Variants in SAMSN1 observed in about 807,000 individuals in gnomAD.
The protein encoded by SAMSN1 is SAM domain-containing protein SAMSN-1.
A neutral mutation model predicts 42.0 loss-of-function variants in SAMSN1; 31 were observed. The observed-to-expected ratio is 0.74, with a 90% CI of 0.55 to 1.00. SAMSN1 has a LOEUF of 1.00. Ranked by LOEUF, SAMSN1 falls within the 50% of genes least tolerant of loss-of-function variation. SAMSN1 has a pLI of 0.00. For missense variants in SAMSN1, 464 were observed against 439.4 expected, an observed-to-expected ratio of 1.06 and a Z score of -0.50; for synonymous variants, 178 against 151.9, an observed-to-expected ratio of 1.17 and a Z score of -1.26.
intron 2 of SAMSN1, among the ~76,000 whole-genome samples, chr21:14,579,518 C>T (rs745668743): frequency 6.6e-6 from 1 of 152,018 alleles, no homozygotes; most frequent in Non-Finnish European, 1.5e-5. Context: ...AAGAAATATG[C>T]TTTATCTGGA....
At chr21:14,538,623 A>G (rs933239359) in intron 1 of SAMSN1, among the ~76,000 whole-genome samples, 3 of 152,214 alleles carry the variant, frequency 2.0e-5, no homozygotes, top group African/African-American at 4.8e-5. Context: ...ACAAAAAAAC[A>G]GTGAAGAAAG....
At chr21:14,620,556 G>C (rs1159346982) in intron 2 of SAMSN1, among the ~76,000 whole-genome samples, 1 of 152,150 alleles carries the variant, frequency 6.6e-6, no homozygotes, top group Non-Finnish European at 1.5e-5. Context: ...AATACATTCA[G>C]TATGCCAATG....
chr21:14,624,415 A>G (rs1002579113), intron 2 of SAMSN1, among the ~76,000 whole-genome samples: 7 of 152,170 alleles, frequency 4.6e-5, no homozygotes, highest in Admixed American at 1.3e-4. Context: ...GAAGAATAAA[A>G]TAGACACAAT....
intron 3 of SAMSN1, chr21:14,612,993 C>T: frequency 1.6e-6 from 1 of 616,714 alleles, no homozygotes; most frequent in Non-Finnish European, 3.0e-6. Context: ...AGAATATGTG[C>T]AACACTTTGG....
intron 1 of SAMSN1, chr21:14,523,464 G>A (rs1483715542): frequency 1.3e-5 from 2 of 152,142 alleles, no homozygotes; most frequent in African/African-American, 2.4e-5. Context: ...CTCTTCTTAT[G>A]TAGTACTTAC....
At chr21:14,584,851 A>G (rs898690027), upstream of SAMSN1, among the ~76,000 whole-genome samples, 4 of 152,198 alleles carry the variant, frequency 2.6e-5, no homozygotes, top group African/African-American at 9.6e-5. Context: ...TAAGGAGACT[A>G]TAAGCCCAAA....
chr21:14,609,657 ACAGGATTTGC>A, intron 4 of SAMSN1: 3 of 701,366 alleles, frequency 4.3e-6, no homozygotes, highest in Non-Finnish European at 7.9e-6. Flanking sequence ...CAAGTTCAGC[ACAGGATTTGC>A]AACTTGGTAA....
chr21:14,569,896 G>T (rs1468811829), intron 2 of SAMSN1, among the ~76,000 whole-genome samples: 1 of 152,030 alleles, frequency 6.6e-6, no homozygotes, highest in African/African-American at 2.4e-5. Flanking sequence ...CTTGCAGATA[G>T]TAGGCCTAAC....
chr21:14,586,341 T>C (rs1324367040), upstream of SAMSN1, among the ~76,000 whole-genome samples: 1 of 151,528 alleles, frequency 6.6e-6, no homozygotes, highest in Non-Finnish European at 1.5e-5. Context: ...TTTATCTCAA[T>C]TCTCTTATCC....
Position 14,565,255 on chromosome 21 carries a change from C to T in SAMSN1, c.261+16881G>A, listed in dbSNP as rs111940147. Among the ~76,000 whole-genome samples the T allele has an allele frequency of 6.0e-3, 885 of 146,296 alleles. 6 individuals are homozygous for T. Among genetic ancestry groups the T allele is most frequent in the African/African-American group, 0.021 (834 of 39,460 alleles). ...AGGTTGCAGTGAGCTGAGATCACAC[C>T]ACTGAACTCCAGCCTTGGCAAGACT... On this transcript the variant is annotated intron_variant, in intron 2 of 8. Transcript: ENST00000285670.
chr21:14,566,579 C>T (rs1271569878), intron 2 of SAMSN1, among the ~76,000 whole-genome samples: 1 of 151,972 alleles, frequency 6.6e-6, no homozygotes, highest in Admixed American at 6.6e-5. Context: ...ACTTTGTCGC[C>T]CAGGCTATAG....
intron 1 of SAMSN1, among the ~76,000 whole-genome samples, chr21:14,538,939 A>G (rs1211127705): frequency 6.6e-6 from 1 of 152,218 alleles, no homozygotes; most frequent in Non-Finnish European, 1.5e-5. Flanking sequence ...CCTTTACTCA[A>G]AGAAAAACCT....
At chr21:14,554,171 C>A (rs1239583586) in intron 2 of SAMSN1, among the ~76,000 whole-genome samples, 1 of 152,046 alleles carries the variant, frequency 6.6e-6, no homozygotes, top group Admixed American at 6.6e-5. Flanking sequence ...CTTTTCATAA[C>A]ATTCTGTTCT....
intron 7 of SAMSN1, 145 bp from the exon 8 acceptor site, chr21:14,486,259 T>C: frequency 3.2e-6 from 2 of 629,180 alleles, no homozygotes; most frequent in East Asian, 5.5e-5. Context: ...AAAAGGTATC[T>C]TTGTTTATTA....
chr21:14,519,827 A>C (rs1381492608), intron 2 of SAMSN1, among the ~76,000 whole-genome samples: 1 of 152,134 alleles, frequency 6.6e-6, no homozygotes, highest in Non-Finnish European at 1.5e-5. Context: ...CAGTTTTCTT[A>C]GTAGACACCC....
chr21:14,650,622 G>A (rs1199927859), intron 1 of SAMSN1, among the ~76,000 whole-genome samples: 2 of 151,708 alleles, frequency 1.3e-5, no homozygotes, highest in Admixed American at 6.6e-5. Context: ...GCATCCTAAG[G>A]AACTAGAAAA....
chr21:14,620,131 A>C (rs997027723), intron 2 of SAMSN1, among the ~76,000 whole-genome samples: 1 of 152,186 alleles, frequency 6.6e-6, no homozygotes, highest in Non-Finnish European at 1.5e-5. Context: ...GGCAAGAGAA[A>C]GTCAGAGATA....
intron 1 of SAMSN1, among the ~76,000 whole-genome samples, chr21:14,526,209 A>G (rs1978846032): frequency 6.6e-6 from 1 of 152,224 alleles, no homozygotes; most frequent in African/African-American, 2.4e-5. Context: ...TTTAAAAACA[A>G]TCATAATATG....
chr21:14,520,047 G>T (rs1243182760), intron 2 of SAMSN1, among the ~76,000 whole-genome samples: 1 of 152,194 alleles, frequency 6.6e-6, no homozygotes, highest in African/African-American at 2.4e-5. Context: ...TATACTAATA[G>T]TTCCTATGTT....
Sources: allele counts gnomAD v4.1 joint callset (sites outside exome capture counted in the v4.1 genomes callset), GRCh38; gene constraint gnomAD v4.1.1; transcripts MANE v1.5; gene names NCBI Gene and HGNC (gene_info 2026-07-23, HGNC 2026-07-21).